LRRC4C: variants seen among roughly 807,000 people sequenced by gnomAD.
LRRC4C encodes the protein leucine rich repeat containing 4C, also known as leucine-rich repeat-containing protein 4C.
In LRRC4C, 5 loss-of-function variants were observed where a neutral mutation model predicts 33.6. The observed-to-expected ratio is 0.15, with a 90% CI of 0.08 to 0.31. LRRC4C has a LOEUF of 0.31. Among genes scored for constraint, LRRC4C ranks in the 10% least tolerant of loss-of-function variants. The pLI is 1.00. For synonymous variants in LRRC4C, 329 were observed against 302.0 expected (o/e 1.09, Z -0.93); for missense variants, 560 against 796.7 (o/e 0.70, Z 3.58).
chr11:40,823,925 A>G (rs1318512490), intron 2 of LRRC4C, among the ~76,000 whole-genome samples: 1 of 151,954 alleles, frequency 6.6e-6, no homozygotes, highest in Non-Finnish European at 1.5e-5. Context: ...TTGATACAAC[A>G]TGATATAACT....
intron 4 of LRRC4C, among the ~76,000 whole-genome samples, chr11:40,256,734 C>A (rs561199200): frequency 5.7e-4 from 87 of 152,228 alleles, no homozygotes; most frequent in African/African-American, 2.1e-3. Flanking sequence ...TTCATACCTG[C>A]AGATGTAGAA....
chr11:40,870,243 C>T (rs10430983), intron 2 of LRRC4C, among the ~76,000 whole-genome samples: 80,678 of 152,012 alleles, frequency 0.53, 25,308 homozygotes, highest in Non-Finnish European at 0.69. Flanking sequence ...ATTCCAATTC[C>T]AATCTCTCCT....
chr11:41,305,079 G>C (rs1401375660), intron 1 of LRRC4C, among the ~76,000 whole-genome samples: 1 of 36,830 alleles, frequency 2.7e-5, no homozygotes, highest in African/African-American at 8.9e-5. Context: ...CCGGCCAGCC[G>C]CCCCGTCCGG....
intron 1 of LRRC4C, among the ~76,000 whole-genome samples, chr11:41,323,690 T>C (rs1401039825): frequency 6.6e-6 from 1 of 152,178 alleles, no homozygotes; most frequent in Non-Finnish European, 1.5e-5. Flanking sequence ...CCACTCACAT[T>C]GGCAGGACTG....
chr11:40,246,382 G>C (rs1334027971), intron 4 of LRRC4C, among the ~76,000 whole-genome samples: 1 of 152,072 alleles, frequency 6.6e-6, no homozygotes, highest in Non-Finnish European at 1.5e-5. Flanking sequence ...TTTTGTTTTT[G>C]GTTCACTCTG....
chr11:40,593,390 C>A (rs1023815460), intron 3 of LRRC4C, among the ~76,000 whole-genome samples: 2 of 152,114 alleles, frequency 1.3e-5, no homozygotes, highest in Non-Finnish European at 2.9e-5. Context: ...CACATGTGCA[C>A]AATTTATATA....
intron 5 of LRRC4C, among the ~76,000 whole-genome samples, chr11:40,175,049 C>T (rs566683318): frequency 6.1e-4 from 93 of 152,290 alleles, no homozygotes; most frequent in Non-Finnish European, 1.1e-3. Context: ...AGAGAGACTA[C>T]ATGAATACAT....
intron 1 of LRRC4C, among the ~76,000 whole-genome samples, chr11:40,994,327 G>T (rs1853809156): frequency 6.6e-6 from 1 of 152,070 alleles, no homozygotes; most frequent in African/African-American, 2.4e-5. Context: ...TGGCCAACTG[G>T]CAATTCAGAC....
chr11:40,361,521 CAAATACCTAG>C (rs1210736660), intron 3 of LRRC4C, among the ~76,000 whole-genome samples: 1 of 151,998 alleles, frequency 6.6e-6, no homozygotes, highest in Admixed American at 6.6e-5. Context: ...CCACTAATGG[CAAATACCTAG>C]GAATACAGCT....
chr11:41,225,981 G>T (rs1335421980), intron 1 of LRRC4C, among the ~76,000 whole-genome samples: 2 of 152,180 alleles, frequency 1.3e-5, no homozygotes, highest in Non-Finnish European at 2.9e-5. Context: ...TGGACAAAGA[G>T]CAGTTCTATT....
At chr11:41,273,898 A>G (rs1450249454) in intron 1 of LRRC4C, among the ~76,000 whole-genome samples, 1 of 152,202 alleles carries the variant, frequency 6.6e-6, no homozygotes, top group Non-Finnish European at 1.5e-5. Flanking sequence ...TAAATCATTT[A>G]TATCCACACA....
At chr11:41,213,232 A>C (rs1946896862) in intron 1 of LRRC4C, among the ~76,000 whole-genome samples, 1 of 152,190 alleles carries the variant, frequency 6.6e-6, no homozygotes, top group Non-Finnish European at 1.5e-5. Flanking sequence ...CAGTATAAAC[A>C]TTTCTAATAG....
At chr11:40,442,670 G>A (rs2137981978) in intron 3 of LRRC4C, among the ~76,000 whole-genome samples, 1 of 152,262 alleles carries the variant, frequency 6.6e-6, no homozygotes, top group South Asian at 2.1e-4. Context: ...GCAAATTTTA[G>A]ACCTGAAGGT....
intron 3 of LRRC4C, among the ~76,000 whole-genome samples, chr11:40,552,559 C>G (rs1175431706): frequency 6.6e-6 from 1 of 152,144 alleles, no homozygotes; most frequent in Non-Finnish European, 1.5e-5. Flanking sequence ...ACTGGATGTC[C>G]AGTAGACATG....
At chr11:41,298,294 C>A (rs1365993027) in intron 1 of LRRC4C, among the ~76,000 whole-genome samples, 1 of 152,152 alleles carries the variant, frequency 6.6e-6, no homozygotes, top group Non-Finnish European at 1.5e-5. Flanking sequence ...AGGTCTCTCT[C>A]CTAGCAAGGC....
chr11:41,164,239 C>T (rs1050588401), intron 1 of LRRC4C, among the ~76,000 whole-genome samples: 2 of 142,728 alleles, frequency 1.4e-5, no homozygotes, highest in African/African-American at 2.5e-5. Context: ...AGACACTACA[C>T]ATACAATATT....
intron 2 of LRRC4C, among the ~76,000 whole-genome samples, chr11:40,658,305 G>A (rs891316013): frequency 7.9e-5 from 12 of 152,154 alleles, no homozygotes; most frequent in Admixed American, 3.3e-4. Context: ...CTTATTTAAG[G>A]TTGAATCATG....
At chr11:40,766,342 C>A (rs12362206) in intron 2 of LRRC4C, among the ~76,000 whole-genome samples, 29 of 76,830 alleles carry the variant, frequency 3.8e-4, no homozygotes, top group Admixed American at 2.1e-3. Context: ...AAAGGGAGTT[C>A]TTCAGTCTGT....
At chr11:41,406,773 A>C (rs1954257631) in intron 1 of LRRC4C, among the ~76,000 whole-genome samples, 1 of 151,114 alleles carries the variant, frequency 6.6e-6, no homozygotes, top group Non-Finnish European at 1.5e-5. Context: ...AAAAGAAAGT[A>C]ACTTAGGCAC....
Sources: gnomAD v4.1 joint callset for allele counts (sites outside exome capture counted in the v4.1 genomes callset) on GRCh38, gnomAD v4.1.1 for gene constraint, MANE v1.5 for transcripts, NCBI Gene and HGNC (gene_info 2026-07-23, HGNC 2026-07-21) for gene names.